The following CNTNAP5 variants were observed in gnomAD, a reference collection of about 807,000 sequenced individuals.
The protein encoded by CNTNAP5 is contactin-associated protein-like 5.
Under a neutral mutation model 150.2 loss-of-function variants are expected in CNTNAP5, and 72 were observed. The observed-to-expected ratio is 0.48, with a 90% CI of 0.40 to 0.58. The LOEUF is 0.58. CNTNAP5 is among the 20% of genes least tolerant of loss of function. CNTNAP5 has a pLI of 0.00. For missense variants in CNTNAP5, 1,636 were observed against 1,626.2 expected (o/e 1.01, Z -0.10); for synonymous variants, 672 against 619.8 (o/e 1.08, Z -1.25).
At chr2:124,602,338 C>CAAAAAAAAAAAA (rs35316532) in intron 11 of CNTNAP5, among the ~76,000 whole-genome samples, 1 of 89,796 alleles carries the variant, frequency 1.1e-5, no homozygotes, top group African/African-American at 4.4e-5. Context: ...AAGACTTCAC[C>CAAAAAAAAAAAA]AAAAAAAAAA....
intron 1 of CNTNAP5, among the ~76,000 whole-genome samples, chr2:124,118,339 C>G (rs1267340961): frequency 6.6e-6 from 1 of 152,122 alleles, no homozygotes; most frequent in Non-Finnish European, 1.5e-5. Context: ...GTCATTTGTG[C>G]AAACTATAAG....
intron 10 of CNTNAP5, among the ~76,000 whole-genome samples, chr2:124,549,701 G>C (rs534581268): frequency 1.3e-5 from 2 of 152,182 alleles, no homozygotes; most frequent in African/African-American, 4.8e-5. Context: ...ATCTAGAAGC[G>C]TTCAAAAGTA....
At chr2:124,536,840 T>C (rs1294937412) in intron 10 of CNTNAP5, among the ~76,000 whole-genome samples, 1 of 152,056 alleles carries the variant, frequency 6.6e-6, no homozygotes, top group African/African-American at 2.4e-5. Context: ...AGGGCTGCAG[T>C]GCTGAATGTT....
At chr2:124,563,489 A>T (rs555731940) in intron 11 of CNTNAP5, among the ~76,000 whole-genome samples, 166 bp downstream of exon 11, 32 of 152,336 alleles carry the variant, frequency 2.1e-4, no homozygotes, top group Admixed American at 1.8e-3. Context: ...GGCTCAGAGG[A>T]TGCATGGATA....
At chr2:124,194,135 A>C (rs1685520066) in intron 1 of CNTNAP5, among the ~76,000 whole-genome samples, 1 of 151,878 alleles carries the variant, frequency 6.6e-6, no homozygotes, top group Non-Finnish European at 1.5e-5. Context: ...CAGCTGCTGC[A>C]ATATCCCTTC....
intron 10 of CNTNAP5, among the ~76,000 whole-genome samples, chr2:124,552,941 G>T (rs1157749957): frequency 2.0e-5 from 3 of 152,048 alleles, no homozygotes; most frequent in Non-Finnish European, 4.4e-5. Context: ...TTCCCTAAAT[G>T]GTAGATTATC....
At chr2:124,315,140 T>C (rs1688932216) in intron 3 of CNTNAP5, among the ~76,000 whole-genome samples, 1 of 152,116 alleles carries the variant, frequency 6.6e-6, no homozygotes, top group South Asian at 2.1e-4. Context: ...TCTTTTTAAC[T>C]GTTGTAGAGA....
At chr2:124,432,779 G>C (rs1042882793) in intron 4 of CNTNAP5, among the ~76,000 whole-genome samples, 2 of 152,198 alleles carry the variant, frequency 1.3e-5, no homozygotes, top group Non-Finnish European at 2.9e-5. Flanking sequence ...TCCCTGGGCA[G>C]TAAACAACTG....
intron 13 of CNTNAP5, among the ~76,000 whole-genome samples, chr2:124,670,199 CTCTTTCCT>C (rs1214484553): frequency 8.7e-6 from 1 of 114,450 alleles, no homozygotes; most frequent in Non-Finnish European, 1.8e-5. Context: ...CTCTTTCTCT[CTCTTTCCT>C]TCTTTCCCTC....
intron 19 of CNTNAP5, among the ~76,000 whole-genome samples, chr2:124,851,589 C>A (rs1683157725): frequency 6.6e-6 from 1 of 152,154 alleles, no homozygotes; most frequent in African/African-American, 2.4e-5. Flanking sequence ...AGGGGTTCAG[C>A]TATTGACACG....
chr2:124,362,282 C>T lies in CNTNAP5; in HGVS notation c.382-55161C>T, dbSNP rs747757946. Among the ~76,000 whole-genome samples the T allele has an allele frequency of 8.5e-5, 13 of 152,322 alleles. No individual in the cohort carries two copies. In the East Asian group the frequency reaches 1.4e-3, roughly 16 times the overall value. ...AATCACCCGTCTTCTGCGTCGCTCACGCTGGGAGCTGTAGACCGGAGCTAT... is the reference window on the plus strand; with the variant it reads ...AATCACCCGTCTTCTGCGTCGCTCATGCTGGGAGCTGTAGACCGGAGCTAT... On this transcript the variant is annotated intron_variant, in intron 3 of 23. Coordinates refer to ENST00000682447, the MANE Select transcript of CNTNAP5 (RefSeq NM_001367498.1).
intron 3 of CNTNAP5, among the ~76,000 whole-genome samples, chr2:124,386,500 T>C (rs754287748): frequency 1.3e-5 from 2 of 152,250 alleles, no homozygotes; most frequent in Non-Finnish European, 2.9e-5. Flanking sequence ...TTGAACGGCA[T>C]TTCTGCCAAG....
Position 124,098,096 on chromosome 2 carries a change from A to G in CNTNAP5, c.82+72364A>G, listed in dbSNP as rs188266529. ...CTCCCGAAAAACTTAACTACTATTAATAATAGCCTATTATCGGCCAGAAGC... is the reference window on the plus strand; with the variant it reads ...CTCCCGAAAAACTTAACTACTATTAGTAATAGCCTATTATCGGCCAGAAGC... On this transcript the variant is annotated intron_variant, in intron 1 of 23. Transcript: ENST00000682447. Among the ~76,000 whole-genome samples the G allele has an allele frequency of 2.5e-3, 383 of 152,340 alleles. 5 individuals carry two copies. In the South Asian group the frequency reaches 0.03, roughly 12 times the overall value.
chr2:124,705,034 T>A (rs1231438760), intron 13 of CNTNAP5, among the ~76,000 whole-genome samples: 1 of 148,980 alleles, frequency 6.7e-6, no homozygotes. Flanking sequence ...TTTTGCTTTT[T>A]TTCTTAGTAC....
intron 3 of CNTNAP5, among the ~76,000 whole-genome samples, chr2:124,411,475 C>A: frequency 6.6e-6 from 1 of 151,406 alleles, no homozygotes; most frequent in African/African-American, 2.4e-5. Context: ...TTCAAAAATC[C>A]TCAATAAAAT....
intron 1 of CNTNAP5, among the ~76,000 whole-genome samples, chr2:124,065,747 C>A (rs1682136517): frequency 6.6e-6 from 1 of 152,092 alleles, no homozygotes. Flanking sequence ...AGCAATGTAG[C>A]CACCTCCTCT....
chr2:124,344,200 C>A (rs1689684819), intron 3 of CNTNAP5, among the ~76,000 whole-genome samples: 1 of 151,986 alleles, frequency 6.6e-6, no homozygotes, highest in African/African-American at 2.4e-5. Flanking sequence ...TTCACCCCTG[C>A]CCCCCAAAAC....
chr2:124,474,466 T>C (rs1693593367), intron 6 of CNTNAP5, among the ~76,000 whole-genome samples: 2 of 152,072 alleles, frequency 1.3e-5, no homozygotes, highest in Non-Finnish European at 2.9e-5. Context: ...TCCCTCCTTC[T>C]GTAAATTATT....
intron 19 of CNTNAP5, among the ~76,000 whole-genome samples, chr2:124,852,512 A>G (rs1453915612): frequency 3.9e-5 from 6 of 152,340 alleles, no homozygotes; most frequent in Admixed American, 3.9e-4. Flanking sequence ...AAAGAGGTAC[A>G]AGGGAATATG....
Sources: allele counts gnomAD v4.1 joint callset (sites outside exome capture counted in the v4.1 genomes callset), GRCh38; gene constraint gnomAD v4.1.1; transcripts MANE v1.5; gene names NCBI Gene and HGNC (gene_info 2026-07-23, HGNC 2026-07-21).